Variants in DGKB observed in about 807,000 individuals in gnomAD.
DGKB encodes diacylglycerol kinase beta, also known as 90 kDa diacylglycerol kinase.
DGKB carries 67 observed loss-of-function variants against 114.3 expected under a neutral mutation model. That is an observed-to-expected ratio of 0.59 (90% confidence interval 0.48 to 0.72). The LOEUF (loss-of-function observed/expected upper bound fraction) is 0.72. Among genes scored for constraint, DGKB ranks in the 30% least tolerant of loss-of-function variants. The probability of loss-of-function intolerance (pLI) is 0.00; values close to 1 mark genes in which losing one functional copy is unlikely to be tolerated. For synonymous variants in DGKB, 398 were observed against 323.1 expected (o/e 1.23, Z -2.49); for missense variants, 907 against 975.2 (o/e 0.93, Z 0.93).
chr7:14,938,105 C>A (rs1200066208), intron 1 of DGKB, among the ~76,000 whole-genome samples: 2 of 152,138 alleles, frequency 1.3e-5, no homozygotes, highest in Non-Finnish European at 2.9e-5. Flanking sequence ...TATGTGCATA[C>A]AAATACACAA....
At chr7:14,928,833 C>T (rs1486687347) in intron 1 of DGKB, among the ~76,000 whole-genome samples, 1 of 151,866 alleles carries the variant, frequency 6.6e-6, no homozygotes, top group Non-Finnish European at 1.5e-5. Context: ...CTCCTACTCC[C>T]TCATCCATCT....
intron 23 of DGKB, among the ~76,000 whole-genome samples, chr7:14,301,576 T>C (rs537283447): frequency 6.6e-6 from 1 of 152,248 alleles, no homozygotes; most frequent in South Asian, 2.1e-4. Flanking sequence ...ATGTTACTTA[T>C]TGTAATAAGA....
chr7:14,544,414 G>C (rs988916872), intron 20 of DGKB, among the ~76,000 whole-genome samples: 21 of 152,226 alleles, frequency 1.4e-4, no homozygotes, highest in South Asian at 6.2e-4. Flanking sequence ...GTAGAACAAA[G>C]TGAATAAATG....
intron 21 of DGKB, among the ~76,000 whole-genome samples, chr7:14,378,911 T>G (rs1479810274): frequency 2.6e-5 from 4 of 152,070 alleles, no homozygotes; most frequent in Non-Finnish European, 5.9e-5. Flanking sequence ...ATTATAAATA[T>G]TTACGCATTT....
intron 25 of DGKB, among the ~76,000 whole-genome samples, chr7:14,159,362 G>A (rs1783514391): frequency 6.6e-6 from 1 of 151,956 alleles, no homozygotes; most frequent in Admixed American, 6.6e-5. Flanking sequence ...AAGCCTTCCT[G>A]GACCTTCTAC....
At chr7:14,663,856 A>G (rs1817584260) in intron 13 of DGKB, among the ~76,000 whole-genome samples, 1 of 151,716 alleles carries the variant, frequency 6.6e-6, no homozygotes, top group Non-Finnish European at 1.5e-5. Flanking sequence ...AATGATTGCC[A>G]CTTTTGCTAA....
At chr7:14,944,254 G>A (rs1055657650) in intron 1 of DGKB, among the ~76,000 whole-genome samples, 1 of 151,734 alleles carries the variant, frequency 6.6e-6, no homozygotes, top group Non-Finnish European at 1.5e-5. Context: ...ATTAGTAAAC[G>A]ATAGATCCAG....
intron 20 of DGKB, among the ~76,000 whole-genome samples, chr7:14,496,268 T>C (rs1215097580): frequency 6.6e-6 from 1 of 151,750 alleles, no homozygotes; most frequent in Non-Finnish European, 1.5e-5. Flanking sequence ...CTTATAATAA[T>C]TGCCTGAAGC....
chr7:14,649,159 T>C (rs550098218), intron 13 of DGKB, among the ~76,000 whole-genome samples: 1 of 123,536 alleles, frequency 8.1e-6, no homozygotes, highest in Admixed American at 9.2e-5. Flanking sequence ...ACAAAGATAC[T>C]CCTCGAGAAG....
At chr7:14,573,467 C>CTGTGTGTGTG (rs4027158) in intron 20 of DGKB, among the ~76,000 whole-genome samples, 3 of 145,472 alleles carry the variant, frequency 2.1e-5, no homozygotes, top group African/African-American at 2.5e-5. Context: ...TAATCTATCT[C>CTGTGTGTGTG]TGTGTGTGTG....
At chr7:14,561,438 C>G (rs149542018) in intron 20 of DGKB, among the ~76,000 whole-genome samples, 292 of 152,166 alleles carry the variant, frequency 1.9e-3, no homozygotes, top group Non-Finnish European at 3.0e-3. Context: ...TTTAAAGATA[C>G]CCCAAAATGG....
At chr7:14,857,318 G>A (rs746132619) in intron 1 of DGKB, among the ~76,000 whole-genome samples, 46 of 143,608 alleles carry the variant, frequency 3.2e-4, no homozygotes, top group Non-Finnish European at 5.7e-4. Flanking sequence ...GAATTCCACA[G>A]GTTCAAGGGA....
At chr7:14,193,219 T>C (rs879019251) in intron 23 of DGKB, among the ~76,000 whole-genome samples, 1 of 147,576 alleles carries the variant, frequency 6.8e-6, no homozygotes, top group African/African-American at 2.5e-5. Flanking sequence ...AACTACAAAA[T>C]ACCCTAAATA....
At chr7:14,875,169 G>C (rs994732683) in intron 1 of DGKB, among the ~76,000 whole-genome samples, 5 of 152,194 alleles carry the variant, frequency 3.3e-5, no homozygotes, top group South Asian at 4.2e-4. Context: ...TAACTGATCA[G>C]TTTGATCAAT....
At chr7:14,493,507 C>A (rs2128937685) in intron 20 of DGKB, among the ~76,000 whole-genome samples, 1 of 152,094 alleles carries the variant, frequency 6.6e-6, no homozygotes, top group Admixed American at 6.6e-5. Context: ...CACCCTACTT[C>A]TTGGGATGAA....
chr7:14,197,727 C>A (rs1785230105), intron 23 of DGKB, among the ~76,000 whole-genome samples: 1 of 152,056 alleles, frequency 6.6e-6, no homozygotes, highest in Admixed American at 6.6e-5. Context: ...TGCGTATGAA[C>A]TTCATTGGAC....
intron 2 of DGKB, among the ~76,000 whole-genome samples, chr7:14,786,162 A>G (rs1252886945): frequency 6.6e-6 from 1 of 151,004 alleles, no homozygotes; most frequent in South Asian, 2.1e-4. Context: ...ACACACACAC[A>G]CGCACACAGC....
intron 4 of DGKB, among the ~76,000 whole-genome samples, chr7:14,738,593 TTGTA>T (rs1274350174): frequency 6.6e-6 from 1 of 152,232 alleles, no homozygotes; most frequent in African/African-American, 2.4e-5. Flanking sequence ...ATAGTAAACA[TTGTA>T]TGTAATTAAA....
intron 1 of DGKB, among the ~76,000 whole-genome samples, chr7:14,873,153 G>A (rs375823126): frequency 1.1e-4 from 16 of 152,136 alleles, no homozygotes; most frequent in South Asian, 2.1e-4. Flanking sequence ...ATGAATGTTC[G>A]TTAAACTTCT....
Sources: gnomAD v4.1 joint callset for allele counts (sites outside exome capture counted in the v4.1 genomes callset) on GRCh38, gnomAD v4.1.1 for gene constraint, MANE v1.5 for transcripts, NCBI Gene and HGNC (gene_info 2026-07-23, HGNC 2026-07-21) for gene names.